RAB5A: variants seen among roughly 807,000 people sequenced by gnomAD.
RAB5A encodes ras-related protein Rab-5A.
RAB5A carries 8 observed loss-of-function variants against 25.7 expected under a neutral mutation model. That is an observed-to-expected ratio of 0.31 (90% CI 0.18 to 0.56). RAB5A has a LOEUF of 0.56. Among genes scored for constraint, RAB5A ranks in the 20% least tolerant of loss-of-function variants. The probability of loss-of-function intolerance (pLI) is 0.91; values close to 1 mark genes in which losing one functional copy is unlikely to be tolerated. For missense variants in RAB5A, 192 were observed against 259.7 expected (o/e 0.74, Z 1.79); for synonymous variants, 98 against 89.8 (o/e 1.09, Z -0.52).
intron 2 of RAB5A, among the ~76,000 whole-genome samples, chr3:19,959,815 G>A (rs374678033): frequency 1.3e-5 from 2 of 151,768 alleles, no homozygotes; most frequent in Non-Finnish European, 2.9e-5. Flanking sequence ...TTGTAGAGGC[G>A]ACGTCTTGCT....
At position 19,979,327 on chromosome 3, in the gene RAB5A, A is replaced by C. The variant is rs1187394251; in HGVS notation, c.532+924A>C. Among the ~76,000 whole-genome samples the C allele has an allele frequency of 6.4e-5, 9 of 140,686 alleles. No individual in the cohort carries two copies. In the East Asian group the frequency reaches 1.9e-3, roughly 30 times the overall value. The allele number at this position is 140,686 out of a possible 152,430, so 92.3% of individuals were successfully genotyped here. On this transcript the variant is annotated intron_variant, in intron 5 of 5. Coordinates refer to ENST00000273047, the MANE Select transcript of RAB5A (RefSeq NM_004162.5). ...GAAATGGAGTCCTGCTCTGTCACCCAGGTTGGAGTGCAGTGGGACGATCTC... is the reference window on the plus strand; with the variant it reads ...GAAATGGAGTCCTGCTCTGTCACCCCGGTTGGAGTGCAGTGGGACGATCTC...
chr3:19,975,993 G>C, intron 3 of RAB5A, 54 bp from the exon 4 acceptor site: 1 of 1,577,050 alleles, frequency 6.3e-7, no homozygotes, highest in South Asian at 1.2e-5. Flanking sequence ...TCACAAAGAT[G>C]CTTGGTAACC....
intron 4 of RAB5A, among the ~76,000 whole-genome samples, chr3:19,977,331 C>A (rs1195948209): frequency 6.6e-6 from 1 of 152,176 alleles, no homozygotes; most frequent in Non-Finnish European, 1.5e-5. Flanking sequence ...GCCTCCGCCT[C>A]CAAAAGTGCT....
chr3:19,973,272 C>T (rs1696777524), intron 2 of RAB5A, among the ~76,000 whole-genome samples: 2 of 152,058 alleles, frequency 1.3e-5, no homozygotes, highest in South Asian at 4.1e-4. Context: ...AGTTATTTCC[C>T]TGAGCCTGAA....
intron 2 of RAB5A, among the ~76,000 whole-genome samples, chr3:19,957,491 A>T (rs1030297988): frequency 3.5e-4 from 4 of 11,502 alleles, no homozygotes; most frequent in African/African-American, 1.2e-3. Context: ...CATCCTTACT[A>T]AAAAAAAAAA....
intron 2 of RAB5A, among the ~76,000 whole-genome samples, chr3:19,975,214 C>CAAAAAAA (rs765855763): frequency 8.7e-6 from 1 of 114,628 alleles, no homozygotes. Context: ...ACTCTTGTAT[C>CAAAAAAA]AAAAAAAAAA....
At chr3:19,974,648 G>A (rs933010084) in intron 2 of RAB5A, among the ~76,000 whole-genome samples, 4 of 151,658 alleles carry the variant, frequency 2.6e-5, no homozygotes, top group South Asian at 2.1e-4. Context: ...GGCCTGGTAC[G>A]GTGGCTCACG....
chr3:19,963,752 C>T (rs1209155515), intron 2 of RAB5A, among the ~76,000 whole-genome samples: 3 of 152,042 alleles, frequency 2.0e-5, no homozygotes, highest in African/African-American at 7.2e-5. Context: ...TCAAATGATC[C>T]TCCCACCTCA....
chr3:19,948,244 A>G (rs12496946), intron 1 of RAB5A, among the ~76,000 whole-genome samples: 83,250 of 152,094 alleles, frequency 0.55, 23,221 homozygotes, highest in Non-Finnish European at 0.59. Context: ...TCTGAACGTC[A>G]TAGTTCACAT....
intron 2 of RAB5A, among the ~76,000 whole-genome samples, chr3:19,973,042 G>A (rs149033067): frequency 2.0e-5 from 3 of 152,320 alleles, no homozygotes; most frequent in East Asian, 3.9e-4. Context: ...TGTGGATGAC[G>A]TGAGGTGCAG....
intron 2 of RAB5A, among the ~76,000 whole-genome samples, chr3:19,957,446 C>G (rs541183552): frequency 6.6e-6 from 1 of 150,844 alleles, no homozygotes; most frequent in Non-Finnish European, 1.5e-5. Flanking sequence ...GTGGTCAGAT[C>G]GCTTGAGACC....
chr3:19,973,355 GAAAC>G (rs1162653521), intron 2 of RAB5A, among the ~76,000 whole-genome samples: 1 of 150,164 alleles, frequency 6.7e-6, no homozygotes, highest in Non-Finnish European at 1.5e-5. Flanking sequence ...TCTGAAAAAT[GAAAC>G]AGTCTGTGCA....
At position 19,954,537 on chromosome 3, in the gene RAB5A, G is replaced by A. The variant is rs186390933; in HGVS notation, c.163+3476G>A. Among the ~76,000 whole-genome samples, 8 of 152,184 alleles carry A rather than the reference G, an allele frequency of 5.3e-5. No individual in the cohort carries two copies. The East Asian group carries it at 1.5e-3, about 29-fold the overall frequency. On this transcript the variant is annotated intron_variant, in intron 2 of 5. Transcript: ENST00000273047. ...AACTTGATTTACGAATTCCTGTTGC[G>A]CTGTGTGCGGTGGCTTGCATCTGTA...
At chr3:19,974,663 T>C (rs1366296637) in intron 2 of RAB5A, among the ~76,000 whole-genome samples, 1 of 146,818 alleles carries the variant, frequency 6.8e-6, no homozygotes, top group East Asian at 2.0e-4. Context: ...CTCACGCCTA[T>C]AATCTCAGCA....
At chr3:19,956,851 G>A (rs1575068400) in intron 2 of RAB5A, among the ~76,000 whole-genome samples, 2 of 151,912 alleles carry the variant, frequency 1.3e-5, no homozygotes, top group South Asian at 4.2e-4. Context: ...GTTTGGTCAT[G>A]ACATACTATT....
At chr3:19,978,591 G>T in intron 5 of RAB5A, 188 bp downstream of exon 5, 2 of 503,906 alleles carry the variant, frequency 4.0e-6, no homozygotes, top group Non-Finnish European at 7.1e-6. Context: ...ATATTTTGTT[G>T]GTAATATTGT....
intron 2 of RAB5A, among the ~76,000 whole-genome samples, chr3:19,963,021 G>A (rs1696610550): frequency 6.6e-6 from 1 of 152,014 alleles, no homozygotes; most frequent in Admixed American, 6.6e-5. Context: ...GTTGCCCAGG[G>A]TAGTCTCAAA....
rs1397547239 is a variant in RAB5A at position 19,976,202 on chromosome 3, C to CT, written c.438+39dup. On this transcript the variant is annotated intron_variant, in intron 4 of 5. Coordinates refer to ENST00000273047, the MANE Select transcript of RAB5A (RefSeq NM_004162.5). ...AAATTTAACTCTCATTTGAAAGGCA[C>CT]TTTTTTCCTGTATGTTTTTCTTTCA... 6 of 1,584,622 alleles carry CT rather than the reference C, an allele frequency of 3.8e-6. No individual in the cohort carries two copies. In the South Asian group the frequency reaches 5.8e-5, roughly 15 times the overall value.
At chr3:19,979,040 G>A (rs1696872949) in intron 5 of RAB5A, 1 of 151,916 alleles carries the variant, frequency 6.6e-6, no homozygotes, top group East Asian at 1.9e-4. Flanking sequence ...GCAATGGTAC[G>A]ATCTCAGCTC....
Sources: allele counts gnomAD v4.1 joint callset (sites outside exome capture counted in the v4.1 genomes callset), GRCh38; gene constraint gnomAD v4.1.1; transcripts MANE v1.5; gene names NCBI Gene and HGNC (gene_info 2026-07-23, HGNC 2026-07-21).